POLK: variants seen among roughly 807,000 people sequenced by gnomAD.
The protein encoded by POLK is polymerase (DNA directed) kappa.
A neutral mutation model predicts 94.0 loss-of-function variants in POLK; 76 were observed. The ratio of observed to expected loss-of-function variants is 0.81; its 90% CI spans 0.67 to 0.98. The LOEUF (loss-of-function observed/expected upper bound fraction) is 0.98, where lower values mean the gene tolerates loss of function less well. Among genes scored for constraint, POLK ranks in the 50% least tolerant of loss-of-function variants. POLK has a pLI of 0.00. For missense variants in POLK, 954 were observed against 1,010.1 expected, an observed-to-expected ratio of 0.94 and a Z score of 0.75; for synonymous variants, 349 against 325.4, an observed-to-expected ratio of 1.07 and a Z score of -0.78.
chr5:75,552,336 A>G, intron 2 of POLK, 136 bp from the exon 3 acceptor site: 1 of 679,640 alleles, frequency 1.5e-6, no homozygotes, highest in Non-Finnish European at 2.4e-6. Flanking sequence ...AGGGTCACCT[A>G]GCTAGTAAGT....
intron 6 of POLK, chr5:75,580,589 CT>C: frequency 1.2e-6 from 1 of 843,154 alleles, no homozygotes; most frequent in Non-Finnish European, 1.4e-6. Flanking sequence ...AGAAGCATAA[CT>C]TTCACAGGTA....
At chr5:75,510,943 A>G (rs1196022416), upstream of POLK, among the ~76,000 whole-genome samples, 3 of 152,034 alleles carry the variant, frequency 2.0e-5, no homozygotes, top group Non-Finnish European at 4.4e-5. Context: ...CCCGGGCAAC[A>G]AGGACAGTGC....
chr5:75,609,611 CCT>C, the POLK span: 3 of 152,078 alleles, frequency 2.0e-5, no homozygotes, highest in African/African-American at 7.2e-5. Context: ...AATTTGGTGC[CCT>C]GTTTTTCCAT....
intron 1 of POLK, among the ~76,000 whole-genome samples, chr5:75,530,622 A>G (rs187390374): frequency 2.0e-5 from 3 of 151,520 alleles, no homozygotes; most frequent in Admixed American, 6.6e-5. Context: ...GTAAAATACT[A>G]TAAGAGCCAA....
At chr5:75,589,392 C>CACACAT (rs1292745808) in intron 10 of POLK, among the ~76,000 whole-genome samples, 1 of 75,346 alleles carries the variant, frequency 1.3e-5, no homozygotes, top group East Asian at 3.7e-4. Context: ...CACACATACA[C>CACACAT]ACACACACAC....
At chr5:75,597,325 A>T (rs1221448683) in intron 13 of POLK, 147 bp downstream of exon 13, 1 of 594,540 alleles carries the variant, frequency 1.7e-6, no homozygotes, top group East Asian at 2.8e-5. Flanking sequence ...TTACATTGCC[A>T]TAGGTTAGAA....
chr5:75,539,018 C>T (rs958739783), intron 1 of POLK, among the ~76,000 whole-genome samples: 1 of 152,084 alleles, frequency 6.6e-6, no homozygotes, highest in Admixed American at 6.6e-5. Context: ...GTGATCCACC[C>T]GCCTCAGCTT....
intron 11 of POLK, among the ~76,000 whole-genome samples, chr5:75,591,707 GT>G (rs1267411199): frequency 1.3e-5 from 2 of 152,176 alleles, no homozygotes; most frequent in African/African-American, 4.8e-5. Context: ...GTCTGTGATA[GT>G]TTCTTAGTTT....
At chr5:75,597,669 CTT>C (rs1408237698) in intron 13 of POLK, 76 bp from the exon 14 acceptor site, 5 of 811,190 alleles carry the variant, frequency 6.2e-6, no homozygotes, top group African/African-American at 1.8e-5. Context: ...TAAGTTTTAA[CTT>C]TTTAAATTTG....
downstream of POLK, among the ~76,000 whole-genome samples, chr5:75,603,467 T>C (rs1451950881): frequency 6.6e-6 from 1 of 151,390 alleles, no homozygotes; most frequent in African/African-American, 2.4e-5. Context: ...CTCTCAACTG[T>C]CTCCAAGATT....
At chr5:75,598,065 A>T (rs367577836) in exon 15 of POLK, 1 of 744,086 alleles carries the variant, frequency 1.3e-6, no homozygotes, top group Non-Finnish European at 2.1e-6. Flanking sequence ...TAGTTATTTT[A>T]TAATCAATGA....
chr5:75,580,087 A>G (rs555609732), intron 6 of POLK, among the ~76,000 whole-genome samples: 26 of 152,074 alleles, frequency 1.7e-4, no homozygotes, highest in African/African-American at 5.1e-4. Context: ...TTCACACTAC[A>G]TATTTTAAAT....
intron 1 of POLK, among the ~76,000 whole-genome samples, chr5:75,525,353 A>G (rs538626261): frequency 2.0e-5 from 3 of 152,360 alleles, no homozygotes; most frequent in African/African-American, 7.2e-5. Context: ...CTGTAGAACT[A>G]AGAAATACAA....
rs867007070 is a variant in POLK at position 75,559,813 on chromosome 5, G to C, written c.255+7222G>C. On this transcript the variant is annotated intron_variant, in intron 3 of 14. Coordinates refer to ENST00000241436, the Ensembl canonical transcript of POLK. ...CTTAAGCCTCCCAAAGGGGTTAAAG[G>C]CATGAGCCACTAGGGCTGGCCAACA... Among the ~76,000 whole-genome samples, 23 of 151,950 alleles carry C rather than the reference G, an allele frequency of 1.5e-4. 1 individual carries two copies. The highest frequency in any genetic ancestry group is 6.8e-3 in the Middle Eastern group (2 of 294).
At chr5:75,552,411 T>C in intron 2 of POLK, 61 bp from the exon 3 acceptor site, 1 of 1,537,986 alleles carries the variant, frequency 6.5e-7, no homozygotes, top group Non-Finnish European at 8.8e-7. Context: ...CACCAGGTTA[T>C]ACTACAGTGA....
At position 75,546,176 on chromosome 5, in the gene POLK, C is replaced by G. The variant is rs369564403; in HGVS notation, c.-13-834C>G. Among the ~76,000 whole-genome samples the G allele has an allele frequency of 3.3e-5, 5 of 152,256 alleles. No individual in the cohort carries two copies. In the East Asian group the frequency reaches 9.6e-4, roughly 29 times the overall value. On this transcript the variant is annotated intron_variant, in intron 1 of 14. Transcript: ENST00000241436. ...CTGGAAGCCTTACTAATAAGGTATA[C>G]AGTTGATTAATATGTATTTTGTATG...
At chr5:75,532,721 C>A (rs1769244120) in intron 1 of POLK, among the ~76,000 whole-genome samples, 1 of 152,178 alleles carries the variant, frequency 6.6e-6, no homozygotes, top group South Asian at 2.1e-4. Flanking sequence ...ATGAGTGTTT[C>A]CTTTTCACTA....
upstream of POLK, among the ~76,000 whole-genome samples, chr5:75,510,948 C>G (rs972635494): frequency 4.6e-5 from 7 of 152,170 alleles, no homozygotes; most frequent in Non-Finnish European, 8.8e-5. Flanking sequence ...GCAACAAGGA[C>G]AGTGCCCCTA....
the POLK span, chr5:75,609,586 G>A: frequency 1.3e-5 from 2 of 152,258 alleles, no homozygotes; most frequent in African/African-American, 4.8e-5. Flanking sequence ...TTGTAAACAT[G>A]CTACATATAC....
Sources: allele counts gnomAD v4.1 joint callset (sites outside exome capture counted in the v4.1 genomes callset), GRCh38; gene constraint gnomAD v4.1.1; transcripts MANE v1.5; gene names NCBI Gene and HGNC (gene_info 2026-07-23, HGNC 2026-07-21).